The following MARCHF1 variants were observed in gnomAD, a reference collection of about 807,000 sequenced individuals.
MARCHF1 encodes E3 ubiquitin-protein ligase MARCHF1.
In MARCHF1, 40 loss-of-function variants were observed where a neutral mutation model predicts 54.2. The ratio of observed to expected loss-of-function variants is 0.74; its 90% confidence interval spans 0.57 to 0.96. The LOEUF is 0.96. MARCHF1 is among the 40% of genes least tolerant of loss of function. MARCHF1 has a pLI of 0.00. For missense variants in MARCHF1, 586 were observed against 656.5 expected, an observed-to-expected ratio of 0.89 and a Z score of 1.17; for synonymous variants, 236 against 236.3, an observed-to-expected ratio of 1.00 and a Z score of 0.01.
intron 1 of MARCHF1, among the ~76,000 whole-genome samples, chr4:164,245,248 A>G (rs1189742133): frequency 6.6e-6 from 1 of 152,224 alleles, no homozygotes. Context: ...CACATCAAAA[A>G]GCTTATCCAC....
At chr4:164,034,643 T>C (rs1753955355) in intron 2 of MARCHF1, among the ~76,000 whole-genome samples, 1 of 152,148 alleles carries the variant, frequency 6.6e-6, no homozygotes. Context: ...TGTATATATA[T>C]ATATAATGAT....
chr4:163,672,587 T>C (rs781609319), intron 5 of MARCHF1, among the ~76,000 whole-genome samples: 1 of 152,216 alleles, frequency 6.6e-6, no homozygotes, highest in Non-Finnish European at 1.5e-5. Flanking sequence ...ATACATATTG[T>C]TTTGATGTGT....
intron 4 of MARCHF1, among the ~76,000 whole-genome samples, chr4:163,782,592 C>A (rs1309136527): frequency 6.9e-6 from 1 of 145,792 alleles, no homozygotes. Context: ...ATCACTTGAA[C>A]TGGGAGGGAG....
chr4:164,099,719 A>G, intron 2 of MARCHF1, among the ~76,000 whole-genome samples: 1 of 152,186 alleles, frequency 6.6e-6, no homozygotes, highest in East Asian at 1.9e-4. Context: ...CATGCTTAAA[A>G]AAACCTTTTA....
At chr4:163,749,447 G>A (rs748298805) in intron 4 of MARCHF1, among the ~76,000 whole-genome samples, 29 of 151,740 alleles carry the variant, frequency 1.9e-4, no homozygotes, top group Non-Finnish European at 3.4e-4. Flanking sequence ...TCTTGCCCTG[G>A]AAATCCAGTA....
rs1748835639 is a variant in MARCHF1 at position 163,825,884 on chromosome 4, G to A, written c.111+28137C>T. Among the ~76,000 whole-genome samples the A allele has an allele frequency of 5.3e-5, 8 of 151,840 alleles. No individual in the cohort carries two copies. The Admixed American group carries it at 5.3e-4, about 10-fold the overall frequency. On this transcript the variant is annotated intron_variant, in intron 4 of 9. Coordinates refer to ENST00000514618, the MANE Select transcript of MARCHF1 (RefSeq NM_001394959.1). ...TCCCTATATGAAAACAGGCTTGATG[G>A]AGCTAATTATTCATGGCTATCCAGA... is the stretch of plus-strand genomic sequence containing the variant.
At chr4:164,231,019 T>TA (rs1030674969) in intron 1 of MARCHF1, among the ~76,000 whole-genome samples, 6 of 152,088 alleles carry the variant, frequency 3.9e-5, no homozygotes, top group African/African-American at 1.4e-4. Flanking sequence ...CCTTTCACCT[T>TA]ACAACTAGCA....
intron 1 of MARCHF1, among the ~76,000 whole-genome samples, chr4:164,237,220 G>A (rs1184474956): frequency 2.0e-5 from 3 of 152,034 alleles, no homozygotes; most frequent in Admixed American, 6.6e-5. Context: ...TAAAAAATCT[G>A]GCTATTACAT....
At chr4:163,689,828 A>T (rs1222258298) in intron 5 of MARCHF1, among the ~76,000 whole-genome samples, 1 of 152,328 alleles carries the variant, frequency 6.6e-6, no homozygotes, top group Admixed American at 6.5e-5. Flanking sequence ...AAGTCTACTA[A>T]TTTATATTAT....
intron 1 of MARCHF1, among the ~76,000 whole-genome samples, chr4:164,242,548 G>A (rs1201475937): frequency 2.0e-5 from 3 of 151,846 alleles, no homozygotes; most frequent in South Asian, 2.1e-4. Context: ...CAGAAAAACT[G>A]GAAACTCTAA....
intron 2 of MARCHF1, among the ~76,000 whole-genome samples, chr4:164,014,033 CA>C (rs987297607): frequency 4.7e-5 from 7 of 149,596 alleles, no homozygotes; most frequent in African/African-American, 7.3e-5. Flanking sequence ...CTAAAAATAC[CA>C]AAAAAAAATT....
chr4:163,871,387 C>T (rs1750165207), intron 3 of MARCHF1, among the ~76,000 whole-genome samples: 1 of 152,118 alleles, frequency 6.6e-6, no homozygotes. Flanking sequence ...TATAGTACAA[C>T]TCTGAGATTA....
At chr4:163,554,544 A>G (rs1425162982) in intron 8 of MARCHF1, among the ~76,000 whole-genome samples, 1 of 152,144 alleles carries the variant, frequency 6.6e-6, no homozygotes, top group Non-Finnish European at 1.5e-5. Flanking sequence ...GCAACTAAGA[A>G]CTCAGACTCC....
chr4:164,001,724 G>A (rs556539920), intron 2 of MARCHF1, among the ~76,000 whole-genome samples: 1 of 151,704 alleles, frequency 6.6e-6, no homozygotes, highest in Non-Finnish European at 1.5e-5. Context: ...TAAAGATGAA[G>A]GTGGAGAGTA....
At chr4:164,215,326 TGG>T (rs918088425) in intron 1 of MARCHF1, among the ~76,000 whole-genome samples, 22 of 152,180 alleles carry the variant, frequency 1.4e-4, no homozygotes, top group African/African-American at 5.3e-4. Flanking sequence ...GCTCTTCTGC[TGG>T]CCTGCTCCCC....
At chr4:164,229,542 C>T (rs1732355530) in intron 1 of MARCHF1, among the ~76,000 whole-genome samples, 1 of 152,142 alleles carries the variant, frequency 6.6e-6, no homozygotes, top group Non-Finnish European at 1.5e-5. Context: ...AGTGCAGTGA[C>T]ACAATTATGG....
At chr4:163,726,048 C>A (rs1745642664) in intron 4 of MARCHF1, among the ~76,000 whole-genome samples, 1 of 152,064 alleles carries the variant, frequency 6.6e-6, no homozygotes. Flanking sequence ...CTTATATCCC[C>A]CATCCCTACA....
intron 4 of MARCHF1, among the ~76,000 whole-genome samples, chr4:163,832,112 G>A (rs996845548): frequency 2.6e-5 from 4 of 152,172 alleles, no homozygotes; most frequent in Non-Finnish European, 5.9e-5. Context: ...AAATTGAAAA[G>A]GTATATAAGG....
At chr4:163,692,687 G>T (rs898542387) in intron 5 of MARCHF1, among the ~76,000 whole-genome samples, 9 of 151,258 alleles carry the variant, frequency 6.0e-5, no homozygotes, top group Non-Finnish European at 1.2e-4. Flanking sequence ...ATTTGGAAAG[G>T]ATCATTTTGG....
Sources: allele counts gnomAD v4.1 joint callset (sites outside exome capture counted in the v4.1 genomes callset), GRCh38; gene constraint gnomAD v4.1.1; transcripts MANE v1.5; gene names NCBI Gene and HGNC (gene_info 2026-07-23, HGNC 2026-07-21).